ZFX: variants seen among roughly 807,000 people sequenced by gnomAD.
ZFX encodes the protein zinc finger X-chromosomal protein.
For missense variants in ZFX, 362 were observed against 628.3 expected (o/e 0.58, Z 4.53); for synonymous variants, 196 against 226.8 (o/e 0.86, Z 1.22).
Position 24,211,599 on chromosome X carries a change from CTAGT to C in ZFX, c.*226_*229del, listed in dbSNP as rs921407260. On this transcript the variant is annotated 3_prime_UTR_variant, in exon 10 of 10. Coordinates refer to ENST00000304543, the MANE Select transcript of ZFX (RefSeq NM_003410.4). ...ATAAATAGGGAAAACTGGCAACATG[CTAGT>C]TACTTTTAATAAAGTAATCCCTGAT... The C allele has an allele frequency of 2.5e-6, 1 of 396,391 alleles. No individual in the cohort carries two copies. The highest frequency in any genetic ancestry group is 2.5e-5 in the African/African-American group (1 of 39,301). The allele number at this position is 396,391 out of a possible 1,213,427, so 32.7% of individuals were successfully genotyped here. A position where few individuals can be genotyped will look rare whatever the true frequency, so the allele number is the denominator to read the frequency against.
chrX:24,209,221 T>C, intron 9 of ZFX, 181 bp downstream of exon 9: 3 of 752,722 alleles, frequency 4.0e-6, no homozygotes, highest in Non-Finnish European at 5.5e-6. Flanking sequence ...TTTCCTTGGA[T>C]AAAAAGAAAC....
At chrX:24,169,171 A>C (rs925248384) in intron 3 of ZFX, among the ~76,000 whole-genome samples, 2 of 111,631 alleles carry the variant, frequency 1.8e-5, no homozygotes, top group Admixed American at 1.9e-4. Flanking sequence ...CGAAGGGAAA[A>C]TGACCAGGCA....
intron 3 of ZFX, among the ~76,000 whole-genome samples, chrX:24,157,939 A>G (rs751483953): frequency 6.3e-5 from 7 of 110,761 alleles, no homozygotes; most frequent in Non-Finnish European, 1.3e-4. Context: ...TTTGTATTTT[A>G]GTCGAGACAG....
intron 5 of ZFX, among the ~76,000 whole-genome samples, chrX:24,189,059 G>A (rs147646925): frequency 0.058 from 6,520 of 111,525 alleles, 515 homozygotes; most frequent in African/African-American, 0.2. Flanking sequence ...GGATGGTCTC[G>A]ATCTTCTGAC....
intron 5 of ZFX, among the ~76,000 whole-genome samples, chrX:24,189,689 G>A (rs1220037648): frequency 9.3e-6 from 1 of 108,069 alleles, no homozygotes; most frequent in Non-Finnish European, 1.9e-5. Flanking sequence ...TTATTTTTAT[G>A]TATGTACCCT....
intron 5 of ZFX, among the ~76,000 whole-genome samples, chrX:24,185,184 G>T (rs1338605118): frequency 9.0e-6 from 1 of 110,649 alleles, no homozygotes. Flanking sequence ...ACCTGGTCTT[G>T]AACCAGCCTG....
intron 5 of ZFX, among the ~76,000 whole-genome samples, chrX:24,191,717 G>A (rs1307746142): frequency 1.9e-5 from 2 of 104,914 alleles, no homozygotes; most frequent in Non-Finnish European, 3.9e-5. Flanking sequence ...TTTTTTTTCC[G>A]AGATGGAGTC....
intron 4 of ZFX, among the ~76,000 whole-genome samples, chrX:24,178,350 G>A (rs1305395782): frequency 4.6e-5 from 4 of 86,230 alleles, no homozygotes; most frequent in African/African-American, 8.8e-5. Context: ...GTGCAGTGGC[G>A]TGATCTCGGC....
chrX:24,210,597 C>T lies in ZFX; in HGVS notation c.1639C>T (p.Pro547Ser). Residue 547 changes from proline to serine, a missense_variant, in exon 10 of 10, where the codon CCT becomes TCT. Coordinates refer to ENST00000304543, the MANE Select transcript of ZFX (RefSeq NM_003410.4). ...HLLAVHSKNF[P>S]HICVECGKGF... Reference sequence around the variant, plus strand: ...CTTGGCAGTCCACAGCAAGAACTTTCCTCATATTTGTGTGGAGTGTGGTAA... The same window carrying T: ...CTTGGCAGTCCACAGCAAGAACTTTTCTCATATTTGTGTGGAGTGTGGTAA... The T allele has an allele frequency of 1.7e-6, 2 of 1,211,780 alleles. No individual in the cohort carries two copies. The highest frequency in any genetic ancestry group is 2.2e-6 in the Non-Finnish European group (2 of 895,592).
At chrX:24,195,292 A>T (rs1936830789) in intron 5 of ZFX, among the ~76,000 whole-genome samples, 1 of 108,156 alleles carries the variant, frequency 9.2e-6, no homozygotes, top group South Asian at 4.1e-4. Flanking sequence ...TCCCAGGTTC[A>T]AGCAATTGTC....
chrX:24,201,652 T>TA (rs1441895620), intron 5 of ZFX, among the ~76,000 whole-genome samples: 1 of 112,284 alleles, frequency 8.9e-6, no homozygotes, highest in Non-Finnish European at 1.9e-5. Context: ...CCTCCACTGC[T>TA]ACCTCAGTTT....
chrX:24,208,126 C>A (rs1361481451), intron 7 of ZFX, 92 bp from the exon 8 acceptor site: 22 of 1,086,829 alleles, frequency 2.0e-5, no homozygotes, highest in Admixed American at 2.6e-5. Context: ...GACCATCTTT[C>A]CATTTTGTCT....
intron 3 of ZFX, among the ~76,000 whole-genome samples, chrX:24,167,046 C>T (rs1601830759): frequency 8.9e-6 from 1 of 111,818 alleles, no homozygotes. Flanking sequence ...AGTATAGGTG[C>T]CCGCAATGGT....
chrX:24,204,634 A>G (rs1348897805), intron 5 of ZFX, among the ~76,000 whole-genome samples: 1 of 111,945 alleles, frequency 8.9e-6, no homozygotes, highest in South Asian at 3.7e-4. Context: ...TAGTTACACT[A>G]TTTTCTGATT....
Position 24,208,301 on chromosome X carries a change from G to A in ZFX, c.1024G>A (p.Val342Met), listed in dbSNP as rs780034453. ...DAAAAAAAAA[V>M]HEQQMDDNEI... ...TGCAGCAGCAGCGGCAGCCGCCGCC[G>A]TGCACGAGCAGCAAATGGATGACAA... The change falls in exon 8 of 10, where the codon GTG becomes ATG. Residue 342 changes from valine to methionine, a missense_variant. Physicochemically the swap from Val to Met is conservative, Grantham distance 21. Coordinates refer to ENST00000304543, the MANE Select transcript of ZFX (RefSeq NM_003410.4). The A allele has an allele frequency of 1.1e-5, 13 of 1,210,681 alleles. No homozygotes were observed. The highest frequency in any genetic ancestry group is 2.2e-5 in the Admixed American group (1 of 45,612).
intron 4 of ZFX, chrX:24,173,517 T>C: frequency 9.3e-7 from 1 of 1,069,687 alleles, no homozygotes; most frequent in South Asian, 2.4e-5. Context: ...AAAACAGTAT[T>C]AGAAAACATG....
chrX:24,170,891 C>T (rs979834085), intron 3 of ZFX, among the ~76,000 whole-genome samples: 8 of 111,716 alleles, frequency 7.2e-5, no homozygotes, highest in African/African-American at 2.6e-4. Flanking sequence ...GCATTACAGG[C>T]GTTAGCCACC....
chrX:24,207,184 C>G (rs913764740), intron 5 of ZFX, 142 bp from the exon 6 acceptor site: 1 of 570,073 alleles, frequency 1.8e-6, no homozygotes, highest in Non-Finnish European at 2.7e-6. Context: ...AGTCAGTGAG[C>G]TGAGATCGCG....
At chrX:24,199,497 TCTC>T (rs746018003) in intron 5 of ZFX, among the ~76,000 whole-genome samples, 8 of 110,394 alleles carry the variant, frequency 7.2e-5, no homozygotes, top group African/African-American at 2.3e-4. Flanking sequence ...TTTAAGCAAT[TCTC>T]CTGCCTTGGC....
Sources: allele counts gnomAD v4.1 joint callset (sites outside exome capture counted in the v4.1 genomes callset), GRCh38; gene constraint gnomAD v4.1.1; transcripts MANE v1.5; gene names NCBI Gene and HGNC (gene_info 2026-07-23, HGNC 2026-07-21).